AHI1: variants seen among roughly 807,000 people sequenced by gnomAD.
The protein encoded by AHI1 is Abelson helper integration site 1.
Under a neutral mutation model 149.3 loss-of-function variants are expected in AHI1, and 123 were observed. The observed-to-expected ratio is 0.82, with a 90% confidence interval of 0.71 to 0.96. The LOEUF (loss-of-function observed/expected upper bound fraction) is 0.96, where lower values mean the gene tolerates loss of function less well. AHI1 is among the 40% of genes least tolerant of loss of function. The pLI, the probability that AHI1 is intolerant of heterozygous loss-of-function variation, is 0.00. For missense variants in AHI1, 1,439 were observed against 1,422.7 expected (o/e 1.01, Z -0.18); for synonymous variants, 475 against 459.8 (o/e 1.03, Z -0.42).
intron 22 of AHI1, among the ~76,000 whole-genome samples, chr6:135,400,880 GT>G (rs1393284123): frequency 6.6e-6 from 1 of 152,056 alleles, no homozygotes; most frequent in Non-Finnish European, 1.5e-5. Flanking sequence ...CCTCCAGCCT[GT>G]TTTTTTCCCT....
chr6:135,329,615 T>G (rs1008542049), intron 24 of AHI1, among the ~76,000 whole-genome samples: 15 of 152,248 alleles, frequency 9.9e-5, no homozygotes, highest in African/African-American at 3.4e-4. Context: ...GTTGTTTTCA[T>G]GCCAGCTACA....
chr6:135,458,185 A>AT (rs1673761849), intron 8 of AHI1, among the ~76,000 whole-genome samples: 1 of 152,210 alleles, frequency 6.6e-6, no homozygotes, highest in Admixed American at 6.5e-5. Flanking sequence ...AGACAGATTA[A>AT]AATTCCAGAA....
At chr6:135,294,324 T>TCAAAACAAAACAAAACAAAA (rs60857616) in intron 27 of AHI1, among the ~76,000 whole-genome samples, 9 of 148,092 alleles carry the variant, frequency 6.1e-5, no homozygotes, top group Admixed American at 4.7e-4. Context: ...AGACTCCATC[T>TCAAAACAAAACAAAACAAAA]CAAAACAAAA....
intron 24 of AHI1, among the ~76,000 whole-genome samples, chr6:135,341,141 T>C (rs760172908): frequency 1.3e-5 from 2 of 152,022 alleles, no homozygotes; most frequent in Non-Finnish European, 2.9e-5. Context: ...GTAAATAGAT[T>C]AAACACTCCA....
chr6:135,461,689 T>C (rs1336631147), intron 8 of AHI1, among the ~76,000 whole-genome samples: 2 of 151,934 alleles, frequency 1.3e-5, no homozygotes, highest in African/African-American at 2.4e-5. Flanking sequence ...ATCAATAAAA[T>C]AGGCAAATTA....
intron 23 of AHI1, among the ~76,000 whole-genome samples, chr6:135,389,124 C>T (rs1472209039): frequency 6.6e-6 from 1 of 151,786 alleles, no homozygotes; most frequent in Non-Finnish European, 1.5e-5. Flanking sequence ...TCCTGGCTAA[C>T]ATGGTGAAAC....
At chr6:135,341,030 G>A (rs1258306740) in intron 24 of AHI1, among the ~76,000 whole-genome samples, 2 of 151,394 alleles carry the variant, frequency 1.3e-5, no homozygotes, top group Admixed American at 6.6e-5. Context: ...AGTGAGTAAC[G>A]GTGAAACAAA....
intron 17 of AHI1, among the ~76,000 whole-genome samples, chr6:135,430,249 T>C (rs765124271): frequency 6.6e-6 from 1 of 151,968 alleles, no homozygotes; most frequent in Non-Finnish European, 1.5e-5. Flanking sequence ...GTATGTTCAC[T>C]TTCCCAAAAT....
chr6:135,448,291 C>T lies in AHI1; in HGVS notation c.1625G>A (p.Cys542Tyr). The T allele has an allele frequency of 6.4e-7, 1 of 1,571,690 alleles. No homozygotes were observed. The highest frequency in any genetic ancestry group is 8.7e-7 in the Non-Finnish European group (1 of 1,152,244). The change falls in exon 12 of 29, where the codon TGT becomes TAT. Residue 542 changes from cysteine (C) to tyrosine (Y), a missense_variant and splice_region_variant. Coordinates refer to ENST00000265602, the MANE Select transcript of AHI1 (RefSeq NM_001134831.2). The stretch of plus-strand genomic sequence containing the variant: ...ACTTAATATGTACTATTAACTTACA[C>T]AGTCTGGAACTTTCAGTCCTCTTAC... ...VTVRGLKVPD[C>Y]IKPSYRSMMA...
intron 20 of AHI1, among the ~76,000 whole-genome samples, chr6:135,424,181 G>A (rs113606829): frequency 3.3e-5 from 5 of 152,114 alleles, no homozygotes; most frequent in South Asian, 2.1e-4. Context: ...GCAAATAAGA[G>A]CATGGACTCC....
chr6:135,488,457 A>T (rs956851605), intron 5 of AHI1, among the ~76,000 whole-genome samples: 3 of 152,174 alleles, frequency 2.0e-5, no homozygotes, highest in African/African-American at 7.2e-5. Flanking sequence ...ACTGAAGAAC[A>T]TGAACTTTAA....
intron 16 of AHI1, 136 bp downstream of exon 16, chr6:135,432,891 A>C (rs1032010676): frequency 1.6e-6 from 1 of 641,686 alleles, no homozygotes; most frequent in Non-Finnish European, 2.7e-6. Flanking sequence ...CATATCTATC[A>C]TATGACCTGC....
chr6:135,301,242 T>A (rs1234666024), intron 26 of AHI1: 2 of 984,396 alleles, frequency 2.0e-6, no homozygotes, highest in Non-Finnish European at 2.4e-6. Flanking sequence ...TTAGAGATAA[T>A]CACGTTATGG....
intron 13 of AHI1, among the ~76,000 whole-genome samples, chr6:135,445,236 C>T (rs1427744398): frequency 1.3e-5 from 2 of 152,212 alleles, no homozygotes; most frequent in Admixed American, 6.5e-5. Context: ...CTTATTTCTA[C>T]ATTAGATGTT....
At position 135,377,876 on chromosome 6, in the gene AHI1, C is replaced by A. The variant is rs112847483; in HGVS notation, c.3109+16900G>T. On this transcript the variant is annotated intron_variant, in intron 23 of 28. Transcript: ENST00000265602. ...GGATTTATCAGATCACCTTCCTAAACATAAGAGAAAGCTAAAAAATTAATG... is the reference window on the plus strand; with the variant it reads ...GGATTTATCAGATCACCTTCCTAAAAATAAGAGAAAGCTAAAAAATTAATG... Among the ~76,000 whole-genome samples the A allele has an allele frequency of 9.3e-3, 1,419 of 152,074 alleles. 19 individuals are homozygous for A. Among genetic ancestry groups the A allele is most frequent in the African/African-American group, 0.032 (1,324 of 41,470 alleles).
intron 13 of AHI1, among the ~76,000 whole-genome samples, chr6:135,445,372 T>C (rs1787006432): frequency 6.6e-6 from 1 of 152,184 alleles, no homozygotes. Flanking sequence ...TTCTTGCCAC[T>C]GCATAAAATG....
intron 5 of AHI1, among the ~76,000 whole-genome samples, chr6:135,487,307 G>C (rs1376414400): frequency 6.6e-6 from 1 of 151,664 alleles, no homozygotes. Context: ...TTAACTATAC[G>C]CTAGGGACAA....
chr6:135,471,150 A>T (rs1791626580), intron 5 of AHI1, among the ~76,000 whole-genome samples: 1 of 152,236 alleles, frequency 6.6e-6, no homozygotes, highest in Admixed American at 6.5e-5. Context: ...AATTAGAAAG[A>T]GAAGAAAGAT....
At chr6:135,323,982 T>C (rs1787264709) in intron 24 of AHI1, among the ~76,000 whole-genome samples, 1 of 152,180 alleles carries the variant, frequency 6.6e-6, no homozygotes, top group Admixed American at 6.5e-5. Flanking sequence ...CCTTTTCTTT[T>C]GAAAACCCAA....
Sources: gnomAD v4.1 joint callset for allele counts (sites outside exome capture counted in the v4.1 genomes callset) on GRCh38, gnomAD v4.1.1 for gene constraint, MANE v1.5 for transcripts, NCBI Gene and HGNC (gene_info 2026-07-23, HGNC 2026-07-21) for gene names.